The following NEK7 variants were observed in gnomAD, a reference collection of about 807,000 sequenced individuals.
NEK7 encodes the protein NIMA related kinase 7.
NEK7 carries 18 observed loss-of-function variants against 44.6 expected under a neutral mutation model. That is an observed-to-expected ratio of 0.40 (90% confidence interval 0.28 to 0.60). NEK7 has a LOEUF of 0.60. Ranked by LOEUF, NEK7 falls within the 20% of genes least tolerant of loss-of-function variation. NEK7 has a pLI of 0.38. For synonymous variants in NEK7, 130 were observed against 121.1 expected (o/e 1.07, Z -0.48); for missense variants, 256 against 366.5 (o/e 0.70, Z 2.46).
chr1:198,272,105 G>A (rs10801659), intron 5 of NEK7, among the ~76,000 whole-genome samples: 20,774 of 151,090 alleles, frequency 0.14, 2,092 homozygotes, highest in East Asian at 0.57. Context: ...GGTTTTCCTT[G>A]ATACTTAAGT....
At chr1:198,313,473 C>G (rs1655253946) in intron 9 of NEK7, among the ~76,000 whole-genome samples, 1 of 135,816 alleles carries the variant, frequency 7.4e-6, no homozygotes, top group Non-Finnish European at 1.5e-5. Flanking sequence ...TGAATTTGAT[C>G]CTGTCATTAT....
At chr1:198,202,161 A>G (rs1419301846) in intron 1 of NEK7, among the ~76,000 whole-genome samples, 2 of 152,184 alleles carry the variant, frequency 1.3e-5, no homozygotes, top group Non-Finnish European at 2.9e-5. Context: ...GCAGCACTAG[A>G]GATCCACATT....
intron 3 of NEK7, among the ~76,000 whole-genome samples, chr1:198,257,309 T>C (rs1653299973): frequency 6.6e-6 from 1 of 152,204 alleles, no homozygotes; most frequent in South Asian, 2.1e-4. Context: ...TTACTTATGT[T>C]TGTTAGTTGC....
chr1:198,214,035 A>G (rs1291774923), intron 1 of NEK7, among the ~76,000 whole-genome samples: 2 of 152,178 alleles, frequency 1.3e-5, no homozygotes, highest in Non-Finnish European at 2.9e-5. Flanking sequence ...CATTGCTACT[A>G]CAACCACCAT....
chr1:198,254,669 C>T (rs574111336), intron 3 of NEK7, among the ~76,000 whole-genome samples: 8 of 152,274 alleles, frequency 5.3e-5, no homozygotes, highest in African/African-American at 1.7e-4. Context: ...ACAAGAATTT[C>T]TCTCTTGTTT....
At chr1:198,219,865 A>G (rs192233572) in intron 1 of NEK7, among the ~76,000 whole-genome samples, 10 of 142,644 alleles carry the variant, frequency 7.0e-5, no homozygotes, top group Non-Finnish European at 1.2e-4. Flanking sequence ...GGCTAATGTG[A>G]TGACTGCCAG....
rs1434837108 is a variant in NEK7 at position 198,317,681 on chromosome 1, T to C, written c.799-1731T>C. Among the ~76,000 whole-genome samples, 4 of 152,232 alleles carry C rather than the reference T, an allele frequency of 2.6e-5. No individual in the cohort carries two copies. In the East Asian group the frequency reaches 7.7e-4, roughly 29 times the overall value. ...TTACTGCATGCATCTACTTGTATTT[T>C]AGCTAAATATAATGAACTTTTTGTA... On this transcript the variant is annotated intron_variant, in intron 9 of 9. Transcript: ENST00000367385.
intron 1 of NEK7, among the ~76,000 whole-genome samples, chr1:198,187,635 T>C (rs1236407973): frequency 2.5e-4 from 38 of 152,196 alleles, no homozygotes; most frequent in Non-Finnish European, 1.5e-5. Context: ...ATGGTCACAA[T>C]GTCTGGAACA....
intron 1 of NEK7, among the ~76,000 whole-genome samples, chr1:198,208,796 C>T (rs1002582007): frequency 6.6e-6 from 1 of 151,986 alleles, no homozygotes; most frequent in African/African-American, 2.4e-5. Flanking sequence ...TCATTGTAGT[C>T]CCTTTTTGAA....
chr1:198,296,920 G>A (rs1351241994), intron 8 of NEK7, among the ~76,000 whole-genome samples: 1 of 151,994 alleles, frequency 6.6e-6, no homozygotes, highest in Non-Finnish European at 1.5e-5. Flanking sequence ...AATTTTAAAT[G>A]TTGGAAAAAA....
At chr1:198,315,307 G>A (rs111806171) in intron 9 of NEK7, among the ~76,000 whole-genome samples, 1,973 of 152,300 alleles carry the variant, frequency 0.013, 50 homozygotes, top group African/African-American at 0.044. Context: ...CGCATGGTGC[G>A]CGCACCCACT....
chr1:198,188,415 G>A (rs1021348043), intron 1 of NEK7, among the ~76,000 whole-genome samples: 5 of 152,156 alleles, frequency 3.3e-5, no homozygotes, highest in African/African-American at 1.2e-4. Context: ...GGAGAGAAGT[G>A]ATGGCCCTTC....
At chr1:198,181,951 C>A (rs1403262214) in intron 1 of NEK7, among the ~76,000 whole-genome samples, 1 of 151,822 alleles carries the variant, frequency 6.6e-6, no homozygotes, top group Non-Finnish European at 1.5e-5. Flanking sequence ...TGTTAGGATT[C>A]TGTTTTTTCT....
intron 1 of NEK7, among the ~76,000 whole-genome samples, chr1:198,179,324 A>T (rs1664691415): frequency 6.6e-6 from 1 of 152,056 alleles, no homozygotes; most frequent in East Asian, 1.9e-4. Flanking sequence ...AACATTTTTT[A>T]AAAATGTAGA....
chr1:198,220,079 G>T (rs1399716284), intron 1 of NEK7, among the ~76,000 whole-genome samples: 4 of 151,722 alleles, frequency 2.6e-5, no homozygotes, highest in African/African-American at 4.8e-5. Flanking sequence ...TTATTAGGTG[G>T]CATTCTTTTG....
Position 198,207,499 on chromosome 1 carries a change from C to T in NEK7, c.-28-25054C>T, listed in dbSNP as rs74134584. 2.6e-3 allele frequency among the ~76,000 whole-genome samples: 396 copies of T among 152,202 alleles called. 5 individuals carry two copies. Among genetic ancestry groups the T allele is most frequent in the African/African-American group, 8.6e-3 (356 of 41,528 alleles). ...CAGTTGGAGAATGAATATTGAGATA[C>T]GTCCATTCAATGGAGTAGTACTCAG... On this transcript the variant is annotated intron_variant, in intron 1 of 9. Coordinates refer to ENST00000367385, the MANE Select transcript of NEK7 (RefSeq NM_133494.3).
At chr1:198,173,705 G>A (rs1350734051) in intron 1 of NEK7, among the ~76,000 whole-genome samples, 1 of 151,914 alleles carries the variant, frequency 6.6e-6, no homozygotes, top group African/African-American at 2.4e-5. Context: ...TTTAACTGCT[G>A]TCAATTATAT....
chr1:198,185,190 ATTTTTTTTTTT>A (rs919588030), intron 1 of NEK7, among the ~76,000 whole-genome samples: 1 of 83,818 alleles, frequency 1.2e-5, no homozygotes, highest in African/African-American at 4.8e-5. Context: ...CATGCTGTCT[ATTTTTTTTTTT>A]TTTTTTTTTT....
intron 1 of NEK7, among the ~76,000 whole-genome samples, chr1:198,207,542 CTG>C (rs1360168427): frequency 6.6e-6 from 1 of 152,136 alleles, no homozygotes; most frequent in Admixed American, 6.5e-5. Flanking sequence ...AATGAACAAA[CTG>C]TGTAACCTTG....
Sources: allele counts gnomAD v4.1 joint callset (sites outside exome capture counted in the v4.1 genomes callset), GRCh38; gene constraint gnomAD v4.1.1; transcripts MANE v1.5; gene names NCBI Gene and HGNC (gene_info 2026-07-23, HGNC 2026-07-21).